Variants in THRB observed in about 807,000 individuals in gnomAD.
THRB encodes nuclear receptor subfamily 1 group A member 2.
THRB carries 12 observed loss-of-function variants against 47.8 expected under a neutral mutation model. The ratio of observed to expected loss-of-function variants is 0.25; its 90% CI spans 0.16 to 0.41. The LOEUF is 0.41. THRB is among the 10% of genes least tolerant of loss of function. THRB has a pLI of 1.00. For missense variants in THRB, 348 were observed against 589.2 expected (o/e 0.59, Z 4.24); for synonymous variants, 218 against 212.2 (o/e 1.03, Z -0.24).
intron 3 of THRB, among the ~76,000 whole-genome samples, chr3:24,247,881 G>A (rs1296284856): frequency 6.6e-6 from 1 of 152,066 alleles, no homozygotes; most frequent in African/African-American, 2.4e-5. Context: ...CAAAAATAAA[G>A]TTTATAGCTC....
intron 4 of THRB, among the ~76,000 whole-genome samples, chr3:24,215,099 G>A (rs1465778611): frequency 6.6e-6 from 1 of 151,966 alleles, no homozygotes; most frequent in African/African-American, 2.4e-5. Context: ...TAGCTATAGA[G>A]GGCAAAAAAG....
At chr3:24,179,684 A>G (rs2041641196) in intron 5 of THRB, among the ~76,000 whole-genome samples, 1 of 152,232 alleles carries the variant, frequency 6.6e-6, no homozygotes, top group South Asian at 2.1e-4. Context: ...TTAGAAACAG[A>G]ATCCAACTCA....
Position 24,337,328 on chromosome 3 carries a change from C to T in THRB, c.-217G>A, listed in dbSNP as rs954275382. On this transcript the variant is annotated 5_prime_UTR_variant, in exon 2 of 11. Transcript: ENST00000646209. ...CTTATTCATTAAATCATGTGTGGAA[C>T]TTGGCACCCACGCAGGACAGCCAAC... is the stretch of plus-strand genomic sequence containing the variant. 2 of 152,138 alleles carry T rather than the reference C, an allele frequency of 1.3e-5. No individual in the cohort carries two copies. The highest frequency in any genetic ancestry group is 2.9e-5 in the Non-Finnish European group (2 of 68,020). 9.4% of individuals were successfully genotyped at this position (152,138 alleles called of 1,614,324 possible). A position where few individuals can be genotyped will look rare whatever the true frequency, so the allele number is the denominator to read the frequency against.
intron 4 of THRB, among the ~76,000 whole-genome samples, chr3:24,197,931 C>T (rs951293915): frequency 1.3e-5 from 2 of 152,148 alleles, no homozygotes; most frequent in African/African-American, 4.8e-5. Context: ...GCATTTGTAT[C>T]GGATGCCGGA....
intron 1 of THRB, among the ~76,000 whole-genome samples, chr3:24,493,667 T>C (rs1698534435): frequency 6.6e-6 from 1 of 152,218 alleles, no homozygotes; most frequent in Non-Finnish European, 1.5e-5. Flanking sequence ...ATGCAAACTC[T>C]TTCCTTTCTT....
chr3:24,468,939 G>A (rs1391733931), intron 1 of THRB, among the ~76,000 whole-genome samples: 1 of 152,100 alleles, frequency 6.6e-6, no homozygotes, highest in African/African-American at 2.4e-5. Flanking sequence ...GAGGCACATA[G>A]ATCTTAATTT....
intron 2 of THRB, among the ~76,000 whole-genome samples, chr3:24,315,265 T>C (rs1276657101): frequency 6.6e-6 from 1 of 152,202 alleles, no homozygotes; most frequent in Non-Finnish European, 1.5e-5. Flanking sequence ...TGCTGTCCTC[T>C]GGGCTTTTAG....
At chr3:24,381,927 GA>G (rs1194229566) in intron 1 of THRB, among the ~76,000 whole-genome samples, 2 of 148,626 alleles carry the variant, frequency 1.3e-5, no homozygotes, top group Non-Finnish European at 3.0e-5. Flanking sequence ...ATATGAGAAA[GA>G]AAAAAATAAA....
At chr3:24,159,940 G>A (rs2038524171) in intron 5 of THRB, among the ~76,000 whole-genome samples, 1 of 152,134 alleles carries the variant, frequency 6.6e-6, no homozygotes, top group Non-Finnish European at 1.5e-5. Flanking sequence ...TTTCAAAGGT[G>A]GTTTACACAA....
intron 1 of THRB, among the ~76,000 whole-genome samples, chr3:24,392,071 T>C (rs1021604620): frequency 6.6e-6 from 1 of 152,176 alleles, no homozygotes; most frequent in Non-Finnish European, 1.5e-5. Flanking sequence ...CAAAGCACTT[T>C]TATGTGCATC....
At chr3:24,207,409 A>C (rs999411950) in intron 4 of THRB, among the ~76,000 whole-genome samples, 1 of 152,210 alleles carries the variant, frequency 6.6e-6, no homozygotes, top group Non-Finnish European at 1.5e-5. Flanking sequence ...TGATTATCTC[A>C]ATAGATGCAG....
intron 3 of THRB, among the ~76,000 whole-genome samples, chr3:24,296,645 A>C (rs2056470210): frequency 6.6e-6 from 1 of 152,228 alleles, no homozygotes. Flanking sequence ...GTAAGAGTAC[A>C]GAGAACAGAG....
chr3:24,411,652 G>T (rs574917803), intron 1 of THRB, among the ~76,000 whole-genome samples: 1 of 151,824 alleles, frequency 6.6e-6, no homozygotes, highest in African/African-American at 2.4e-5. Flanking sequence ...AACTCTCAGT[G>T]GGGACAGTTT....
At chr3:24,289,986 C>A (rs980249877) in intron 3 of THRB, among the ~76,000 whole-genome samples, 11 of 152,148 alleles carry the variant, frequency 7.2e-5, no homozygotes, top group Non-Finnish European at 1.5e-5. Context: ...CCTAGCTCCT[C>A]TCTTCTGATT....
chr3:24,294,633 G>A (rs78205294), intron 3 of THRB, among the ~76,000 whole-genome samples: 137 of 152,252 alleles, frequency 9.0e-4, no homozygotes, highest in African/African-American at 2.2e-3. Flanking sequence ...GACTCTGAGC[G>A]GACAGCCTGG....
chr3:24,422,721 G>A (rs1349320755), intron 1 of THRB, among the ~76,000 whole-genome samples: 1 of 151,814 alleles, frequency 6.6e-6, no homozygotes, highest in Non-Finnish European at 1.5e-5. Context: ...GTTCTACTCT[G>A]GAAAGTTCAG....
intron 5 of THRB, among the ~76,000 whole-genome samples, chr3:24,188,992 C>G (rs1458994183): frequency 2.0e-5 from 3 of 151,286 alleles, no homozygotes; most frequent in Non-Finnish European, 4.4e-5. Context: ...TTGAATAACT[C>G]TATTTCCAAC....
Position 24,472,537 on chromosome 3 carries a change from ACT to A in THRB, c.-261+22113_-261+22114del, listed in dbSNP as rs536928098. On this transcript the variant is annotated intron_variant, in intron 1 of 10. Coordinates refer to ENST00000646209, the MANE Select transcript of THRB (RefSeq NM_001354712.2). ...TACACAAAGCCAATTATCTCCTCCT[ACT>A]CTCTCTGCCAATCTTGGAAAAGTCA... Among the ~76,000 whole-genome samples, 155 of 151,984 alleles carry A rather than the reference ACT, an allele frequency of 1.0e-3. 1 individual carries two copies. The highest frequency in any genetic ancestry group is 6.8e-3 in the Middle Eastern group (2 of 294).
chr3:24,274,537 A>G (rs953753570), intron 3 of THRB, among the ~76,000 whole-genome samples: 6 of 152,124 alleles, frequency 3.9e-5, no homozygotes, highest in Non-Finnish European at 7.4e-5. Context: ...GTAATGAACA[A>G]TTTTGGTGAC....
Sources: gnomAD v4.1 joint callset for allele counts (sites outside exome capture counted in the v4.1 genomes callset) on GRCh38, gnomAD v4.1.1 for gene constraint, MANE v1.5 for transcripts, NCBI Gene and HGNC (gene_info 2026-07-23, HGNC 2026-07-21) for gene names.